THSD4: variants seen among roughly 807,000 people sequenced by gnomAD.
The protein encoded by THSD4 is thrombospondin type-1 domain-containing protein 4.
A neutral mutation model predicts 119.0 loss-of-function variants in THSD4; 69 were observed. The observed-to-expected ratio is 0.58, with a 90% CI of 0.48 to 0.71. The LOEUF (loss-of-function observed/expected upper bound fraction) is 0.71. THSD4 is among the 30% of genes least tolerant of loss of function. The pLI is 0.00. For synonymous variants in THSD4, 524 were observed against 540.4 expected (o/e 0.97, Z 0.42); for missense variants, 1,393 against 1,391.1 (o/e 1.00, Z -0.02).
chr15:71,103,147 C>CT (rs34279644), intron 1 of THSD4, among the ~76,000 whole-genome samples: 1,610 of 141,010 alleles, frequency 0.011, 25 homozygotes, highest in African/African-American at 0.03. Context: ...AAAAAGAAGG[C>CT]TTTTTTTTTT....
At chr15:71,343,492 C>G (rs949060244) in intron 6 of THSD4, among the ~76,000 whole-genome samples, 3 of 152,168 alleles carry the variant, frequency 2.0e-5, no homozygotes, top group Non-Finnish European at 2.9e-5. Context: ...CGTCTGGAGT[C>G]TCTGAGGGTG....
At chr15:71,692,577 G>A (rs1328839700) in intron 8 of THSD4, among the ~76,000 whole-genome samples, 1 of 152,158 alleles carries the variant, frequency 6.6e-6, no homozygotes. Flanking sequence ...CCTCAGCTTA[G>A]CCACCAGAGC....
intron 13 of THSD4, 110 bp from the exon 14 acceptor site, chr15:71,748,311 A>G (rs1339112129): frequency 1.0e-5 from 14 of 1,339,488 alleles, no homozygotes; most frequent in Non-Finnish European, 1.2e-5. Context: ...CATGCATGAC[A>G]GAGCCTCAGT....
At chr15:71,564,638 A>G (rs1429715529) in intron 7 of THSD4, among the ~76,000 whole-genome samples, 1 of 113,898 alleles carries the variant, frequency 8.8e-6, no homozygotes, top group Non-Finnish European at 1.8e-5. Context: ...TATATATTGT[A>G]TATTATAACA....
chr15:71,586,344 G>A (rs2049670375), intron 7 of THSD4, among the ~76,000 whole-genome samples: 1 of 152,184 alleles, frequency 6.6e-6, no homozygotes, highest in Non-Finnish European at 1.5e-5. Context: ...GCATGACTAG[G>A]TTTTCTGTTC....
At chr15:71,193,123 C>CT (rs1346969993) in intron 3 of THSD4, among the ~76,000 whole-genome samples, 1 of 152,084 alleles carries the variant, frequency 6.6e-6, no homozygotes, top group Non-Finnish European at 1.5e-5. Context: ...TTCATTCCTG[C>CT]TTTTGATCAG....
chr15:71,253,583 AT>A (rs2044282923), intron 5 of THSD4, among the ~76,000 whole-genome samples: 1 of 151,918 alleles, frequency 6.6e-6, no homozygotes, highest in Non-Finnish European at 1.5e-5. Flanking sequence ...AATTTTTTGT[AT>A]TTTTAATAGA....
intron 1 of THSD4, among the ~76,000 whole-genome samples, chr15:71,120,173 C>T (rs111566689): frequency 6.6e-6 from 1 of 152,188 alleles, no homozygotes; most frequent in East Asian, 1.9e-4. Context: ...AATGAACACT[C>T]CCAGCTGCGC....
At chr15:71,181,336 C>A (rs2043523849) in intron 3 of THSD4, among the ~76,000 whole-genome samples, 1 of 152,188 alleles carries the variant, frequency 6.6e-6, no homozygotes, top group Non-Finnish European at 1.5e-5. Context: ...TTCTTGGATT[C>A]AAAGTCAACA....
At chr15:71,749,346 T>C (rs371719732) in intron 14 of THSD4, among the ~76,000 whole-genome samples, 14 of 152,376 alleles carry the variant, frequency 9.2e-5, no homozygotes, top group African/African-American at 3.4e-4. Context: ...TAAGGAATTG[T>C]GCTTCCTTTC....
intron 7 of THSD4, among the ~76,000 whole-genome samples, chr15:71,491,709 A>AC (rs1184850608): frequency 6.6e-6 from 1 of 151,608 alleles, no homozygotes; most frequent in South Asian, 2.1e-4. Context: ...ATCTGAAAAA[A>AC]AAAATTGTTT....
chr15:71,617,720 C>T (rs558162541), intron 7 of THSD4, among the ~76,000 whole-genome samples: 2 of 152,312 alleles, frequency 1.3e-5, no homozygotes, highest in Non-Finnish European at 2.9e-5. Flanking sequence ...GAGCCACCCC[C>T]GGAGGTGAAA....
intron 8 of THSD4, among the ~76,000 whole-genome samples, chr15:71,702,478 C>A (rs1294439895): frequency 5.9e-5 from 9 of 152,052 alleles, no homozygotes; most frequent in Admixed American, 5.9e-4. Context: ...AGATTTAAGA[C>A]CCTGAATTTG....
At chr15:71,199,707 G>GT (rs2043768182) in intron 3 of THSD4, among the ~76,000 whole-genome samples, 27 of 9,712 alleles carry the variant, frequency 2.8e-3, no homozygotes, top group African/African-American at 4.7e-3. Context: ...GTGGTGTCTG[G>GT]GTGTGTGGTG....
chr15:71,192,920 A>T (rs1047986222), intron 3 of THSD4, among the ~76,000 whole-genome samples: 2 of 152,072 alleles, frequency 1.3e-5, no homozygotes, highest in Admixed American at 1.3e-4. Flanking sequence ...TCCATCCTTC[A>T]TGGGAATCGT....
rs78083594 is a variant in THSD4, at chr15:71,607,174, A to G, written c.1153-53356A>G. Among the ~76,000 whole-genome samples, 79 of 152,258 alleles carry G rather than the reference A, an allele frequency of 5.2e-4. 1 individual carries two copies. The East Asian group carries it at 0.012, about 23-fold the overall frequency. Reference sequence around the variant, plus strand: ...TATGGATCCAGGAGTCTCTGACCAGAAGTGGTGGAGGAACTCGTGTTTCAC... The same window carrying G: ...TATGGATCCAGGAGTCTCTGACCAGGAGTGGTGGAGGAACTCGTGTTTCAC... On this transcript the variant is annotated intron_variant, in intron 7 of 17. Coordinates refer to ENST00000261862, the MANE Select transcript of THSD4 (RefSeq NM_024817.3).
chr15:71,781,589 G>C lies in THSD4; in HGVS notation c.*4215G>C, dbSNP rs1295239118. ...GGAAGGACTTCATGAGAACCCTCAG[G>C]CTGGAGAAGGCACTAGGGCACAAGG... On this transcript the variant is annotated 3_prime_UTR_variant, in exon 18 of 18. Coordinates refer to ENST00000261862, the MANE Select transcript of THSD4 (RefSeq NM_024817.3). 6.6e-6 allele frequency: 1 copy of C among 152,392 alleles called. No individual in the cohort carries two copies. Among genetic ancestry groups the C allele is most frequent in the African/African-American group, 2.4e-5 (1 of 41,452 alleles). The allele number at this position is 152,392 out of a possible 1,614,324, so 9.4% of individuals were successfully genotyped here.
At chr15:71,127,782 G>A (rs181091110) in intron 1 of THSD4, among the ~76,000 whole-genome samples, 1 of 152,164 alleles carries the variant, frequency 6.6e-6, no homozygotes, top group African/African-American at 2.4e-5. Flanking sequence ...TTACTGTTGA[G>A]TTGTTTGAGT....
chr15:71,585,552 GT>G (rs1426791425), intron 7 of THSD4, among the ~76,000 whole-genome samples: 1 of 152,170 alleles, frequency 6.6e-6, no homozygotes, highest in Non-Finnish European at 1.5e-5. Context: ...ATGTGTCTCA[GT>G]GAAGATCTCT....
Sources: allele counts gnomAD v4.1 joint callset (sites outside exome capture counted in the v4.1 genomes callset), GRCh38; gene constraint gnomAD v4.1.1; transcripts MANE v1.5; gene names NCBI Gene and HGNC (gene_info 2026-07-23, HGNC 2026-07-21).